Variants in FRMPD4 observed in about 807,000 individuals in gnomAD.
FRMPD4 encodes the protein FERM and PDZ domain-containing protein 4.
In FRMPD4, 22 loss-of-function variants were observed where a neutral mutation model predicts 94.1. That is an observed-to-expected ratio of 0.23 (90% CI 0.17 to 0.33). FRMPD4 has a LOEUF of 0.33. FRMPD4 is among the 10% of genes least tolerant of loss of function. The pLI, the probability that FRMPD4 is intolerant of heterozygous loss-of-function variation, is 1.00. For synonymous variants in FRMPD4, 631 were observed against 548.6 expected (o/e 1.15, Z -2.10); for missense variants, 1,111 against 1,339.9 (o/e 0.83, Z 2.67).
chrX:12,586,165 A>G (rs1355415530), intron 2 of FRMPD4, among the ~76,000 whole-genome samples: 2 of 112,835 alleles, frequency 1.8e-5, no homozygotes, highest in African/African-American at 6.4e-5. Flanking sequence ...CTATTCCTCC[A>G]TGTTGCCAGA....
At chrX:12,035,435 A>G (rs1254108654) in intron 3 of FRMPD4, among the ~76,000 whole-genome samples, 1 of 112,054 alleles carries the variant, frequency 8.9e-6, no homozygotes, top group Non-Finnish European at 1.9e-5. Context: ...CTTAGACTCT[A>G]GGGATCTTTC....
At chrX:12,052,961 T>C (rs1486897824) in intron 3 of FRMPD4, among the ~76,000 whole-genome samples, 1 of 111,411 alleles carries the variant, frequency 9.0e-6, no homozygotes, top group East Asian at 2.8e-4. Context: ...CAACATACAG[T>C]GTATTCTAAA....
intron 2 of FRMPD4, among the ~76,000 whole-genome samples, chrX:12,563,838 A>T: frequency 8.9e-6 from 1 of 112,380 alleles, no homozygotes; most frequent in Non-Finnish European, 1.9e-5. Flanking sequence ...AAGTAATGTT[A>T]GATATCATTA....
chrX:12,596,136 C>A (rs1189050308), intron 2 of FRMPD4, among the ~76,000 whole-genome samples: 1 of 111,180 alleles, frequency 9.0e-6, no homozygotes, highest in African/African-American at 3.3e-5. Flanking sequence ...ATACCTGATT[C>A]ATCTCTTGAG....
At chrX:11,996,140 G>C (rs2054495021) in intron 3 of FRMPD4, among the ~76,000 whole-genome samples, 1 of 111,841 alleles carries the variant, frequency 8.9e-6, no homozygotes, top group South Asian at 3.7e-4. Flanking sequence ...AAAGCAGACA[G>C]TATACCTAAA....
intron 1 of FRMPD4, among the ~76,000 whole-genome samples, chrX:12,253,690 G>A (rs2054074704): frequency 9.0e-6 from 1 of 111,365 alleles, no homozygotes; most frequent in Non-Finnish European, 1.9e-5. Context: ...GAGTGCTGGG[G>A]GAGAGAGAGA....
chrX:12,031,072 A>G (rs1190018908), intron 3 of FRMPD4, among the ~76,000 whole-genome samples: 1 of 112,283 alleles, frequency 8.9e-6, no homozygotes, highest in Non-Finnish European at 1.9e-5. Context: ...CTAGAGGGAA[A>G]AACTATAATG....
intron 3 of FRMPD4, among the ~76,000 whole-genome samples, chrX:11,882,083 T>C (rs1470917853): frequency 9.0e-6 from 1 of 111,176 alleles, no homozygotes; most frequent in Non-Finnish European, 1.9e-5. Context: ...TGCCAAGATA[T>C]AAAAAAAAGT....
At chrX:12,455,217 GC>G (rs1287218456) in intron 1 of FRMPD4, among the ~76,000 whole-genome samples, 1 of 111,286 alleles carries the variant, frequency 9.0e-6, no homozygotes, top group Non-Finnish European at 1.9e-5. Flanking sequence ...AGCACCCTGT[GC>G]TTCTTCCACT....
chrX:12,164,897 T>G (rs1486804978), intron 1 of FRMPD4, among the ~76,000 whole-genome samples: 2 of 112,214 alleles, frequency 1.8e-5, no homozygotes, highest in Admixed American at 9.4e-5. Context: ...GATGGGGTTG[T>G]TTGTTTTTTT....
chrX:12,678,048 C>A (rs12863934), intron 5 of FRMPD4, among the ~76,000 whole-genome samples: 19 of 112,104 alleles, frequency 1.7e-4, no homozygotes, highest in Non-Finnish European at 2.6e-4. Context: ...CTATTTCCTT[C>A]CAGTCTTTTT....
chrX:11,860,055 A>G (rs1276046607), intron 1 of FRMPD4, among the ~76,000 whole-genome samples: 4 of 112,521 alleles, frequency 3.6e-5, no homozygotes, highest in Non-Finnish European at 5.6e-5. Context: ...TTATTCACTT[A>G]AATGAGTCAA....
At chrX:12,654,956 C>A (rs919576192) in intron 4 of FRMPD4, among the ~76,000 whole-genome samples, 1 of 112,126 alleles carries the variant, frequency 8.9e-6, no homozygotes, top group Admixed American at 9.5e-5. Context: ...TATTTGATCT[C>A]GGTTTTCTCA....
intron 4 of FRMPD4, among the ~76,000 whole-genome samples, chrX:12,651,126 A>C (rs1217109006): frequency 8.9e-6 from 1 of 112,498 alleles, no homozygotes; most frequent in Non-Finnish European, 1.9e-5. Flanking sequence ...TCTTAGCAAA[A>C]TGCTTATAAA....
intron 4 of FRMPD4, among the ~76,000 whole-genome samples, chrX:12,617,655 T>TA (rs1215266208): frequency 3.6e-5 from 4 of 112,222 alleles, no homozygotes; most frequent in Non-Finnish European, 7.5e-5. Context: ...TTCTGTATAA[T>TA]AAAAAACATC....
At position 12,565,404 on chromosome X, in the gene FRMPD4, C is replaced by CT. The variant is rs750730934; in HGVS notation, c.159-44317_159-44316insT. Among the ~76,000 whole-genome samples, 368 of 111,964 alleles carry CT rather than the reference C, an allele frequency of 3.3e-3. 1 individual carries two copies. The highest frequency in any genetic ancestry group is 0.012 in the African/African-American group (356 of 30,818). ...TACCTTAGCCAGGGATCAAAGTCAA[C>CT]ATCACCAGTGATAAGTCATGTTGAT... On this transcript the variant is annotated intron_variant, in intron 2 of 16. Coordinates refer to ENST00000675598, the MANE Select transcript of FRMPD4 (RefSeq NM_001368397.1).
rs770790466 is a variant in FRMPD4 at position 11,880,177 on chromosome X, C to T, written c.95+2159C>T. 5.4e-5 allele frequency among the ~76,000 whole-genome samples: 6 copies of T among 111,347 alleles called. No individual in the cohort carries two copies. The South Asian group carries it at 2.3e-3, about 42-fold the overall frequency. On this transcript the variant is annotated intron_variant, in intron 3 of 18. Coordinates refer to the FRMPD4 transcript ENST00000640291. ...TGAAACCAGCTTGATCTGGTATGCA[C>T]CCTAGAGCCTTCATTTATTGGCTAT...
chrX:12,395,416 A>G (rs1438009046), intron 1 of FRMPD4, among the ~76,000 whole-genome samples: 1 of 112,553 alleles, frequency 8.9e-6, no homozygotes, highest in African/African-American at 3.2e-5. Context: ...AGTTTTCACA[A>G]AATTAATGGG....
intron 1 of FRMPD4, among the ~76,000 whole-genome samples, chrX:12,241,953 A>G (rs951501910): frequency 1.5e-4 from 6 of 39,853 alleles, no homozygotes; most frequent in African/African-American, 4.0e-4. Context: ...GGGGAAGGGG[A>G]GGAGGAGGAG....
Sources: gnomAD v4.1 joint callset for allele counts (sites outside exome capture counted in the v4.1 genomes callset) on GRCh38, gnomAD v4.1.1 for gene constraint, MANE v1.5 for transcripts, NCBI Gene and HGNC (gene_info 2026-07-23, HGNC 2026-07-21) for gene names.